Variants in GNA12 observed in about 807,000 individuals in gnomAD.
The protein encoded by GNA12 is G protein subunit alpha 12, also known as guanine nucleotide-binding protein subunit alpha-12.
A neutral mutation model predicts 26.0 loss-of-function variants in GNA12; 9 were observed. The ratio of observed to expected loss-of-function variants is 0.35; its 90% CI spans 0.21 to 0.60. The LOEUF (loss-of-function observed/expected upper bound fraction) is 0.60. Among genes scored for constraint, GNA12 ranks in the 20% least tolerant of loss-of-function variants. The probability of loss-of-function intolerance (pLI) is 0.78; values close to 1 mark genes in which losing one functional copy is unlikely to be tolerated. For synonymous variants in GNA12, 264 were observed against 219.6 expected (o/e 1.20, Z -1.79); for missense variants, 405 against 525.8 (o/e 0.77, Z 2.25).
chr7:2,806,122 T>C (rs562959216), intron 1 of GNA12, among the ~76,000 whole-genome samples: 1 of 152,232 alleles, frequency 6.6e-6, no homozygotes, highest in African/African-American at 2.4e-5. Context: ...ACACGTGCCT[T>C]ACATTTGTGG....
chr7:2,841,544 G>A (rs144927872), intron 1 of GNA12, among the ~76,000 whole-genome samples: 1 of 152,304 alleles, frequency 6.6e-6, no homozygotes, highest in East Asian at 1.9e-4. Context: ...CAAAGTTCAC[G>A]AAGTATCTGA....
intron 2 of GNA12, among the ~76,000 whole-genome samples, chr7:2,760,868 T>G (rs960167515): frequency 6.6e-6 from 1 of 152,174 alleles, no homozygotes; most frequent in African/African-American, 2.4e-5. Context: ...GGAACAGAAG[T>G]TGTCACATCC....
intron 1 of GNA12, among the ~76,000 whole-genome samples, chr7:2,836,678 C>G (rs1778846689): frequency 6.6e-6 from 1 of 152,140 alleles, no homozygotes. Context: ...AATCCCAGCA[C>G]TTTGGGAGGC....
chr7:2,761,614 C>T (rs1404250492), intron 2 of GNA12, among the ~76,000 whole-genome samples: 1 of 152,186 alleles, frequency 6.6e-6, no homozygotes, highest in Non-Finnish European at 1.5e-5. Context: ...ACACAGGGCA[C>T]GTTCCCGAAC....
intron 1 of GNA12, among the ~76,000 whole-genome samples, chr7:2,830,953 GAAAAA>G (rs3831679): frequency 6.7e-6 from 1 of 148,700 alleles, no homozygotes; most frequent in South Asian, 2.2e-4. Context: ...AAAAATTAAT[GAAAAA>G]AAAACAAAAA....
chr7:2,735,902 G>A (rs1371370976), intron 2 of GNA12, among the ~76,000 whole-genome samples: 3 of 152,248 alleles, frequency 2.0e-5, no homozygotes, highest in Non-Finnish European at 2.9e-5. Flanking sequence ...GGGGAGGGAA[G>A]AAGGGGACAC....
At chr7:2,791,789 G>A (rs549314659) in intron 2 of GNA12, among the ~76,000 whole-genome samples, 2 of 152,200 alleles carry the variant, frequency 1.3e-5, no homozygotes, top group Non-Finnish European at 2.9e-5. Flanking sequence ...CAGTTTTGCT[G>A]TAATTGTGTA....
chr7:2,816,700 G>C (rs1286003622), intron 1 of GNA12, among the ~76,000 whole-genome samples: 2 of 152,140 alleles, frequency 1.3e-5, no homozygotes, highest in African/African-American at 2.4e-5. Flanking sequence ...AGTAGCAGCA[G>C]TGACAGTGAG....
At chr7:2,773,559 C>T (rs557636013) in intron 2 of GNA12, among the ~76,000 whole-genome samples, 11 of 152,290 alleles carry the variant, frequency 7.2e-5, no homozygotes, top group Non-Finnish European at 1.2e-4. Context: ...GAGACTCAGT[C>T]TCAAAAATAA....
chr7:2,777,165 C>T (rs942405820), intron 2 of GNA12, among the ~76,000 whole-genome samples: 1 of 152,156 alleles, frequency 6.6e-6, no homozygotes, highest in African/African-American at 2.4e-5. Flanking sequence ...TGCCTGCAAT[C>T]CAGACCAGCA....
chr7:2,762,645 G>A (rs990167301), intron 2 of GNA12: 4 of 1,597,650 alleles, frequency 2.5e-6, no homozygotes, highest in Non-Finnish European at 3.4e-6. Flanking sequence ...GAAGCACAGA[G>A]CGGCAGGACG....
At chr7:2,838,997 A>G (rs1421797259) in intron 1 of GNA12, among the ~76,000 whole-genome samples, 1 of 152,214 alleles carries the variant, frequency 6.6e-6, no homozygotes, top group Non-Finnish European at 1.5e-5. Context: ...TATAGAACTC[A>G]ACACCACTAT....
chr7:2,813,814 C>A (rs957907420), intron 1 of GNA12, among the ~76,000 whole-genome samples: 2 of 152,178 alleles, frequency 1.3e-5, no homozygotes, highest in Non-Finnish European at 2.9e-5. Flanking sequence ...TTTCACTGAA[C>A]TGGGCCACAG....
intron 2 of GNA12, among the ~76,000 whole-genome samples, chr7:2,768,691 A>AAAAAAAAAAC (rs1562418608): frequency 2.1e-5 from 3 of 142,584 alleles, no homozygotes; most frequent in Admixed American, 7.1e-5. Context: ...ACAAAACAAA[A>AAAAAAAAAAC]AAAAAAACAG....
chr7:2,753,797 G>C (rs1791151468), intron 2 of GNA12, among the ~76,000 whole-genome samples: 1 of 152,048 alleles, frequency 6.6e-6, no homozygotes, highest in Non-Finnish European at 1.5e-5. Flanking sequence ...TGTGCCATAA[G>C]TTTTTGTTTC....
At chr7:2,773,545 G>A (rs933347454) in intron 2 of GNA12, among the ~76,000 whole-genome samples, 2 of 152,234 alleles carry the variant, frequency 1.3e-5, no homozygotes, top group Non-Finnish European at 2.9e-5. Context: ...CAGGGCGACA[G>A]AGTGAGACTC....
chr7:2,823,113 A>C (rs934950334), intron 1 of GNA12, among the ~76,000 whole-genome samples: 4 of 152,182 alleles, frequency 2.6e-5, no homozygotes, highest in Non-Finnish European at 5.9e-5. Flanking sequence ...TTTGTAACTA[A>C]AAACGTGGGG....
chr7:2,817,166 C>T (rs187755415), intron 1 of GNA12, among the ~76,000 whole-genome samples: 1 of 152,342 alleles, frequency 6.6e-6, no homozygotes, highest in Non-Finnish European at 1.5e-5. Context: ...AGCGCAATGG[C>T]GCGACCTCGG....
intron 1 of GNA12, among the ~76,000 whole-genome samples, chr7:2,843,634 G>A (rs573950668): frequency 6.6e-6 from 1 of 151,076 alleles, no homozygotes; most frequent in East Asian, 2.0e-4. Flanking sequence ...GAAACACAGC[G>A]AGACCCCATC....
Sources: gnomAD v4.1 joint callset for allele counts (sites outside exome capture counted in the v4.1 genomes callset) on GRCh38, gnomAD v4.1.1 for gene constraint, MANE v1.5 for transcripts, NCBI Gene and HGNC (gene_info 2026-07-23, HGNC 2026-07-21) for gene names.